TLN2: variants seen among roughly 807,000 people sequenced by gnomAD.
The protein encoded by TLN2 is talin 2, also known as talin-2.
A neutral mutation model predicts 294.7 loss-of-function variants in TLN2; 118 were observed. That is an observed-to-expected ratio of 0.40 (90% confidence interval 0.34 to 0.47). The LOEUF (loss-of-function observed/expected upper bound fraction) is 0.47. TLN2 is among the 20% of genes least tolerant of loss of function. TLN2 has a pLI of 0.84. For synonymous variants in TLN2, 1,431 were observed against 1,304.5 expected (o/e 1.10, Z -2.09); for missense variants, 3,083 against 3,282.2 (o/e 0.94, Z 1.48).
chr15:62,588,685 T>C (rs2045843724), intron 1 of TLN2, among the ~76,000 whole-genome samples: 1 of 133,292 alleles, frequency 7.5e-6, no homozygotes, highest in Non-Finnish European at 1.6e-5. Context: ...TATATATATA[T>C]ATATATATAT....
chr15:62,807,461 G>A (rs1178798654), intron 51 of TLN2, among the ~76,000 whole-genome samples: 1 of 152,206 alleles, frequency 6.6e-6, no homozygotes. Flanking sequence ...TTCTCAGCCA[G>A]TCTGTTTCTG....
At chr15:62,787,797 TTCTCCTGCC>T (rs1223760738) in intron 45 of TLN2, among the ~76,000 whole-genome samples, 1 of 149,654 alleles carries the variant, frequency 6.7e-6, no homozygotes, top group Non-Finnish European at 1.5e-5. Flanking sequence ...GTTCAAGCGA[TTCTCCTGCC>T]TCAGCCTCCT....
chr15:62,673,969 G>A lies in TLN2; in HGVS notation c.852+79G>A. The A allele has an allele frequency of 2.6e-6, 3 of 1,145,090 alleles. No individual in the cohort carries two copies. The South Asian group carries it at 4.0e-5, about 15-fold the overall frequency. 70.9% of individuals were successfully genotyped at this position (1,145,090 alleles called of 1,614,324 possible). A position where few individuals can be genotyped will look rare whatever the true frequency, so the allele number is the denominator to read the frequency against. ...TTAGTGTGAGGGGGCCTCTGCGCAT[G>A]GTAGTTTTATACCTCGTGCCTGTAC... On this transcript the variant is annotated intron_variant, in intron 10 of 58. Coordinates refer to ENST00000636159, the MANE Select transcript of TLN2 (RefSeq NM_015059.3).
chr15:62,602,495 A>G (rs1254254909), intron 2 of TLN2, among the ~76,000 whole-genome samples: 1 of 152,218 alleles, frequency 6.6e-6, no homozygotes, highest in South Asian at 2.1e-4. Context: ...AGTCTCATCT[A>G]TGAAATCTTA....
intron 51 of TLN2, among the ~76,000 whole-genome samples, chr15:62,809,179 T>G (rs183330004): frequency 1.3e-3 from 199 of 152,346 alleles, no homozygotes; most frequent in Non-Finnish European, 1.5e-3. Context: ...TTTCATTGAT[T>G]ATCTGAAATT....
chr15:62,482,602 CAAAAA>C (rs781297837), intron 1 of TLN2, among the ~76,000 whole-genome samples: 3 of 75,782 alleles, frequency 4.0e-5, no homozygotes, highest in African/African-American at 9.5e-5. Context: ...AACGTTGTCT[CAAAAA>C]AAAAAAAAAA....
intron 19 of TLN2, among the ~76,000 whole-genome samples, chr15:62,706,206 T>A (rs1472587761): frequency 1.4e-5 from 1 of 71,502 alleles, no homozygotes; most frequent in Non-Finnish European, 3.8e-5. Context: ...GGGAAGGCAT[T>A]TCCAAGTCAA....
intron 1 of TLN2, among the ~76,000 whole-genome samples, chr15:62,519,990 C>T (rs182440251): frequency 2.6e-5 from 4 of 152,308 alleles, no homozygotes; most frequent in East Asian, 1.9e-4. Flanking sequence ...GCGAAAGGCA[C>T]GTCTTACGTG....
intron 1 of TLN2, among the ~76,000 whole-genome samples, chr15:62,427,956 G>T (rs947413793): frequency 3.3e-5 from 5 of 152,114 alleles, no homozygotes; most frequent in Non-Finnish European, 2.9e-5. Context: ...CTTATGTGAG[G>T]TATATGACAC....
rs754301783 is a variant in TLN2 at position 62,820,510 on chromosome 15, A to C, written c.6902A>C (p.Asp2301Ala). The change falls in exon 54 of 59, where the codon GAC becomes GCC. Residue 2301 changes from aspartate to alanine, a missense_variant. Transcript: ENST00000636159. ...GGAACAGAGTGGGTGGATCCAGAAG[A>C]CCCAACTGTCATTGCAGAAACAGAG... ...MKGTEWVDPE[D>A]PTVIAETELL... The C allele has an allele frequency of 1.2e-6, 2 of 1,613,728 alleles. No homozygotes were observed. The highest frequency in any genetic ancestry group is 2.7e-5 in the African/African-American group (2 of 74,862).
Position 62,738,425 on chromosome 15 carries a change from C to A in TLN2, c.3687+92C>A, listed in dbSNP as rs1316364334. 2.1e-6 allele frequency: 3 copies of A among 1,418,412 alleles called. No homozygotes were observed. The African/African-American group carries it at 4.3e-5, about 20-fold the overall frequency. 87.9% of individuals were successfully genotyped at this position (1,418,412 alleles called of 1,614,324 possible). On this transcript the variant is annotated intron_variant, in intron 30 of 58. Coordinates refer to ENST00000636159, the MANE Select transcript of TLN2 (RefSeq NM_015059.3). ...TTCTTCTCTCCATGAGATCTCTGAG[C>A]AGCTAACCCTTCCTTTAGGAGTCCT...
rs2045933578 is a variant in TLN2, at chr15:62,589,680, A to AT, written c.-237-3dup. 1 of 152,132 alleles carries AT rather than the reference A, an allele frequency of 6.6e-6. No individual in the cohort carries two copies. Among genetic ancestry groups the AT allele is most frequent in the African/African-American group, 2.4e-5 (1 of 41,416 alleles). 9.4% of individuals were successfully genotyped at this position (152,132 alleles called of 1,614,324 possible). A position where few individuals can be genotyped will look rare whatever the true frequency, so the allele number is the denominator to read the frequency against. ...CTTGATTCTGATGATTGTTATTATG[A>AT]TTTTAGGTGCTGCAGGAGGCTTCTC... On this transcript the variant is annotated splice_region_variant and splice_polypyrimidine_tract_variant and intron_variant, in intron 1 of 58. Transcript: ENST00000636159.
At chr15:62,499,711 C>T (rs910432643) in intron 1 of TLN2, among the ~76,000 whole-genome samples, 1 of 152,094 alleles carries the variant, frequency 6.6e-6, no homozygotes, top group African/African-American at 2.4e-5. Context: ...AAGCAATTCT[C>T]CTGCCTCAGC....
At chr15:62,498,153 CAAAAAAAAAAA>C (rs538951284) in intron 1 of TLN2, among the ~76,000 whole-genome samples, 1 of 93,384 alleles carries the variant, frequency 1.1e-5, no homozygotes, top group African/African-American at 3.4e-5. Flanking sequence ...GACCCTGCCT[CAAAAAAAAAAA>C]AAAAAAAAAA....
chr15:62,719,255 G>C (rs1419057206), intron 24 of TLN2, among the ~76,000 whole-genome samples: 3 of 152,218 alleles, frequency 2.0e-5, no homozygotes, highest in Non-Finnish European at 2.9e-5. Flanking sequence ...TTTCCAGTTT[G>C]AGAATGAGAA....
chr15:62,448,496 T>C (rs2035939992), intron 1 of TLN2, among the ~76,000 whole-genome samples: 1 of 152,236 alleles, frequency 6.6e-6, no homozygotes, highest in South Asian at 2.1e-4. Flanking sequence ...GTACCCTCTC[T>C]GTCATGTGCT....
intron 9 of TLN2, among the ~76,000 whole-genome samples, chr15:62,669,515 G>A (rs565256549): frequency 6.6e-6 from 1 of 152,310 alleles, no homozygotes; most frequent in African/African-American, 2.4e-5. Context: ...TGGCGGAGAA[G>A]TGAGTTCTCA....
chr15:62,799,859 T>G (rs905057195), intron 48 of TLN2, among the ~76,000 whole-genome samples: 1 of 152,134 alleles, frequency 6.6e-6, no homozygotes, highest in Non-Finnish European at 1.5e-5. Context: ...GTTAGAACAA[T>G]GAGCAAAGGT....
At chr15:62,771,279 T>G (rs1292329564) in intron 42 of TLN2, 145 bp downstream of exon 42, 2 of 943,712 alleles carry the variant, frequency 2.1e-6, no homozygotes, top group African/African-American at 3.3e-5. Flanking sequence ...AAATAATCTA[T>G]TGGCCTTCCC....
Sources: gnomAD v4.1 joint callset for allele counts (sites outside exome capture counted in the v4.1 genomes callset) on GRCh38, gnomAD v4.1.1 for gene constraint, MANE v1.5 for transcripts, NCBI Gene and HGNC (gene_info 2026-07-23, HGNC 2026-07-21) for gene names.